RAB3C: variants seen among roughly 807,000 people sequenced by gnomAD.
RAB3C encodes ras-related protein Rab-3C.
In RAB3C, 17 loss-of-function variants were observed where a neutral mutation model predicts 26.4. The ratio of observed to expected loss-of-function variants is 0.64; its 90% CI spans 0.44 to 0.97. The LOEUF is 0.97. Among genes scored for constraint, RAB3C ranks in the 50% least tolerant of loss-of-function variants. The pLI is 0.00. For synonymous variants in RAB3C, 91 were observed against 95.9 expected (o/e 0.95, Z 0.30); for missense variants, 242 against 281.9 (o/e 0.86, Z 1.01).
chr5:58,745,137 C>A (rs186331328), intron 3 of RAB3C, among the ~76,000 whole-genome samples: 221 of 152,096 alleles, frequency 1.5e-3, no homozygotes, highest in South Asian at 3.1e-3. Context: ...GTGGCTCACG[C>A]CTGTAATCCA....
At position 58,787,710 on chromosome 5, in the gene RAB3C, A is replaced by T. The variant is rs116898313; in HGVS notation, c.372-37328A>T. ...AAGCACAGTAAAAGTAACACTAATG[A>T]CACCAGATGATGTCTGTGTTCTTTG... is the stretch of plus-strand genomic sequence containing the variant. On this transcript the variant is annotated intron_variant, in intron 3 of 4. Coordinates refer to ENST00000282878, the MANE Select transcript of RAB3C (RefSeq NM_138453.4). Among the ~76,000 whole-genome samples the T allele has an allele frequency of 9.2e-5, 14 of 152,256 alleles. No individual in the cohort carries two copies. The East Asian group carries it at 1.4e-3, about 15-fold the overall frequency.
intron 1 of RAB3C, among the ~76,000 whole-genome samples, chr5:58,594,627 A>G (rs192620514): frequency 1.3e-5 from 2 of 152,236 alleles, no homozygotes; most frequent in East Asian, 3.9e-4. Context: ...TCGTAAGTGC[A>G]TGGACAACAA....
chr5:58,592,922 A>G (rs1746170442), intron 1 of RAB3C, among the ~76,000 whole-genome samples: 1 of 152,124 alleles, frequency 6.6e-6, no homozygotes, highest in African/African-American at 2.4e-5. Flanking sequence ...CGAATTGGAT[A>G]AGCTTCTCAG....
At chr5:58,826,669 G>A (rs147677380) in intron 4 of RAB3C, among the ~76,000 whole-genome samples, 4,242 of 152,246 alleles carry the variant, frequency 0.028, 85 homozygotes, top group Non-Finnish European at 0.043. Flanking sequence ...TTTACTTGAT[G>A]AGATTCACTC....
chr5:58,636,665 A>G (rs544456966), intron 2 of RAB3C, among the ~76,000 whole-genome samples: 2 of 152,350 alleles, frequency 1.3e-5, no homozygotes, highest in South Asian at 4.1e-4. Context: ...ACAAATAAAG[A>G]GGAACAAAAT....
Position 58,617,730 on chromosome 5 carries a change from A to C in RAB3C, c.112A>C (p.Asn38His), listed in dbSNP as rs976255335. ...DYMFKLLIIG[N>H]SSVGKTSFLF... is the part of the protein sequence containing the mutation. ...CATGTTCAAATTACTCATCATCGGC[A>C]ATAGCAGTGTGGGGAAAACATCTTT... The change falls in exon 2 of 5, where the codon AAT becomes CAT. Residue 38 changes from asparagine (N) to histidine (H), a missense_variant. Asn to His is a moderately conservative substitution (Grantham distance 68). Coordinates refer to ENST00000282878, the MANE Select transcript of RAB3C (RefSeq NM_138453.4). The C allele has an allele frequency of 6.2e-7, 1 of 1,613,860 alleles. No homozygotes were observed. Among genetic ancestry groups the C allele is most frequent in the African/African-American group, 1.3e-5 (1 of 74,930 alleles).
At chr5:58,654,522 A>AATAATTACTTAT (rs1454276636) in intron 2 of RAB3C, among the ~76,000 whole-genome samples, 1 of 152,202 alleles carries the variant, frequency 6.6e-6, no homozygotes, top group Non-Finnish European at 1.5e-5. Context: ...AGGTTGCTTA[A>AATAATTACTTAT]ATAATTACTT....
chr5:58,595,187 C>G (rs1746221214), intron 1 of RAB3C, among the ~76,000 whole-genome samples: 1 of 152,142 alleles, frequency 6.6e-6, no homozygotes, highest in Non-Finnish European at 1.5e-5. Flanking sequence ...TTACTGTTTC[C>G]TACTAGGTTG....
chr5:58,755,881 A>G (rs2111968410), intron 3 of RAB3C, among the ~76,000 whole-genome samples: 1 of 152,350 alleles, frequency 6.6e-6, no homozygotes, highest in East Asian at 1.9e-4. Flanking sequence ...GTTTAAAAAA[A>G]TTTCCATGCA....
chr5:58,746,200 GT>G (rs1741399039), intron 3 of RAB3C, among the ~76,000 whole-genome samples: 1 of 152,088 alleles, frequency 6.6e-6, no homozygotes, highest in Admixed American at 6.5e-5. Flanking sequence ...GGGTCTTTTT[GT>G]TCCTTTGCTG....
chr5:58,635,328 G>C (rs540565622), intron 2 of RAB3C, among the ~76,000 whole-genome samples: 1 of 152,206 alleles, frequency 6.6e-6, no homozygotes, highest in Non-Finnish European at 1.5e-5. Flanking sequence ...GGAGGTTGCT[G>C]TCCATTCTTA....
chr5:58,765,716 A>T (rs1041488629), intron 3 of RAB3C, among the ~76,000 whole-genome samples: 5 of 152,180 alleles, frequency 3.3e-5, no homozygotes, highest in African/African-American at 1.2e-4. Flanking sequence ...ATCATCCATC[A>T]TTTATCTAAT....
At chr5:58,680,857 C>G (rs1748329619) in intron 2 of RAB3C, among the ~76,000 whole-genome samples, 1 of 152,148 alleles carries the variant, frequency 6.6e-6, no homozygotes, top group African/African-American at 2.4e-5. Flanking sequence ...GACCTCTTGC[C>G]CTGTAAGTTA....
chr5:58,805,542 G>A (rs1432281906), intron 3 of RAB3C, among the ~76,000 whole-genome samples: 2 of 140,324 alleles, frequency 1.4e-5, no homozygotes, highest in Admixed American at 7.7e-5. Flanking sequence ...CTGAGATCGC[G>A]CCACTGCACT....
intron 3 of RAB3C, among the ~76,000 whole-genome samples, chr5:58,731,580 T>C (rs935272226): frequency 2.6e-5 from 4 of 152,038 alleles, no homozygotes; most frequent in African/African-American, 2.4e-5. Context: ...AAAGGGAGCA[T>C]CAGGGAAGAG....
In RAB3C at chr5:58,823,158, A is replaced by G. The variant is rs1315809685; in HGVS notation, c.372-1880A>G. On this transcript the variant is annotated intron_variant, in intron 3 of 4. Coordinates refer to ENST00000282878, the MANE Select transcript of RAB3C (RefSeq NM_138453.4). ...CATTACCTAATGGAAGCAGATGAAG[A>G]TGCTTACAAGAAACGGTTCTTTCCG... The G allele has an allele frequency of 1.1e-5, 4 of 366,174 alleles. No individual in the cohort carries two copies. In the East Asian group the frequency reaches 1.9e-4, roughly 18 times the overall value. The allele number at this position is 366,174 out of a possible 1,614,324, so 22.7% of individuals were successfully genotyped here. A position where few individuals can be genotyped will look rare whatever the true frequency, so the allele number is the denominator to read the frequency against.
intron 2 of RAB3C, among the ~76,000 whole-genome samples, chr5:58,632,151 T>C (rs188891589): frequency 6.3e-4 from 96 of 152,278 alleles, no homozygotes; most frequent in Middle Eastern, 6.8e-3. Flanking sequence ...TGAGAGAGAT[T>C]CACATATGAA....
At chr5:58,731,045 A>G (rs1358862086) in intron 3 of RAB3C, among the ~76,000 whole-genome samples, 1 of 151,966 alleles carries the variant, frequency 6.6e-6, no homozygotes, top group African/African-American at 2.4e-5. Context: ...AAAAAAACCC[A>G]CCCCATGATT....
chr5:58,807,150 A>G (rs1742960369), intron 3 of RAB3C, among the ~76,000 whole-genome samples: 1 of 152,302 alleles, frequency 6.6e-6, no homozygotes, highest in Admixed American at 6.5e-5. Flanking sequence ...TCCATTAGAC[A>G]CTTGCTGCTT....
Sources: allele counts gnomAD v4.1 joint callset (sites outside exome capture counted in the v4.1 genomes callset), GRCh38; gene constraint gnomAD v4.1.1; transcripts MANE v1.5; gene names NCBI Gene and HGNC (gene_info 2026-07-23, HGNC 2026-07-21).